GABRB3: variants seen among roughly 807,000 people sequenced by gnomAD.
GABRB3 encodes gamma-aminobutyric acid type A receptor subunit beta3.
In GABRB3, 14 loss-of-function variants were observed where a neutral mutation model predicts 52.1. The observed-to-expected ratio is 0.27, with a 90% CI of 0.18 to 0.42. The LOEUF (loss-of-function observed/expected upper bound fraction) is 0.42. Among genes scored for constraint, GABRB3 ranks in the 10% least tolerant of loss-of-function variants. GABRB3 has a pLI of 1.00. For missense variants in GABRB3, 307 were observed against 609.1 expected (o/e 0.50, Z 5.22); for synonymous variants, 260 against 232.3 (o/e 1.12, Z -1.08).
rs138242685 is a variant in GABRB3 at position 26,595,355 on chromosome 15, C to A, written c.462-11941G>T. ...CTGCTCCCTCTGGTAGGAGAGGGAG[C>A]ACTGGGAACTAGGCTGCTGCCTGCT... On this transcript the variant is annotated intron_variant, in intron 4 of 8. Coordinates refer to ENST00000311550, the MANE Select transcript of GABRB3 (RefSeq NM_000814.6). 1.9e-3 allele frequency among the ~76,000 whole-genome samples: 296 copies of A among 152,256 alleles called. 6 individuals carry two copies. The East Asian group carries it at 0.036, about 19-fold the overall frequency.
chr15:26,749,499 T>C (rs1003877625), intron 3 of GABRB3, among the ~76,000 whole-genome samples: 3 of 152,202 alleles, frequency 2.0e-5, no homozygotes, highest in African/African-American at 7.2e-5. Flanking sequence ...TCTGCTTTTG[T>C]TGTGTAAAAT....
intron 3 of GABRB3, among the ~76,000 whole-genome samples, chr15:26,717,707 G>C (rs1048138650): frequency 6.6e-6 from 1 of 152,176 alleles, no homozygotes; most frequent in African/African-American, 2.4e-5. Context: ...TAGGGGTACT[G>C]ATTTTGTTTT....
intron 4 of GABRB3, among the ~76,000 whole-genome samples, chr15:26,586,283 C>A (rs1890980436): frequency 6.6e-6 from 1 of 152,026 alleles, no homozygotes; most frequent in African/African-American, 2.4e-5. Flanking sequence ...AGGCGTGAGC[C>A]ACCGCGCCTG....
chr15:26,610,435 T>G (rs1892024800), intron 4 of GABRB3, among the ~76,000 whole-genome samples: 1 of 152,152 alleles, frequency 6.6e-6, no homozygotes, highest in South Asian at 2.1e-4. Context: ...ATCATAAATG[T>G]GTTGGTTGTT....
intron 3 of GABRB3, among the ~76,000 whole-genome samples, chr15:26,762,967 A>T (rs566491926): frequency 2.6e-5 from 4 of 152,256 alleles, no homozygotes; most frequent in Non-Finnish European, 5.9e-5. Context: ...CATACCAATG[A>T]GTTAACTGCA....
At chr15:26,626,990 C>T (rs543820962) in intron 3 of GABRB3, among the ~76,000 whole-genome samples, 8 of 152,240 alleles carry the variant, frequency 5.3e-5, no homozygotes, top group Non-Finnish European at 8.8e-5. Context: ...TGTCTGGCTT[C>T]GGAGCTTCAA....
chr15:26,752,796 G>A (rs34421638), intron 3 of GABRB3, among the ~76,000 whole-genome samples: 9,167 of 152,046 alleles, frequency 0.06, 365 homozygotes, highest in Middle Eastern at 0.11. Flanking sequence ...CAGTTGGCAC[G>A]CTGTACAGTA....
At chr15:26,622,909 A>G (rs1466222866) in intron 3 of GABRB3, among the ~76,000 whole-genome samples, 4 of 152,218 alleles carry the variant, frequency 2.6e-5, no homozygotes, top group African/African-American at 9.6e-5. Flanking sequence ...GAAAGGCAAG[A>G]AAGTCCAAAT....
Position 26,753,844 on chromosome 15 carries a change from C to G in GABRB3, c.240+18558G>C, listed in dbSNP as rs912412847. On this transcript the variant is annotated intron_variant, in intron 3 of 8. Transcript: ENST00000311550. The stretch of plus-strand genomic sequence containing the variant: ...GAAATACACTGGTCTGGGGCGAGGG[C>G]AGGCTACAGGTAAACCAATGCTGTT... Among the ~76,000 whole-genome samples, 45 of 152,126 alleles carry G rather than the reference C, an allele frequency of 3.0e-4. 1 individual carries two copies. Among genetic ancestry groups the G allele is most frequent in the Non-Finnish European group, 2.9e-5 (2 of 68,030 alleles).
At chr15:26,740,727 T>C (rs1890182249) in intron 3 of GABRB3, among the ~76,000 whole-genome samples, 1 of 152,160 alleles carries the variant, frequency 6.6e-6, no homozygotes, top group Non-Finnish European at 1.5e-5. Flanking sequence ...TATCAGGCAA[T>C]AGGAGCCACA....
intron 4 of GABRB3, among the ~76,000 whole-genome samples, chr15:26,597,131 T>G (rs1279896198): frequency 1.3e-5 from 2 of 152,124 alleles, no homozygotes; most frequent in Non-Finnish European, 2.9e-5. Flanking sequence ...AATCACCTCT[T>G]AAAGGCCCCA....
chr15:26,745,732 C>T (rs968277202), intron 3 of GABRB3, among the ~76,000 whole-genome samples: 3 of 152,142 alleles, frequency 2.0e-5, no homozygotes, highest in Admixed American at 6.5e-5. Context: ...ATAGTGTAAC[C>T]TTTACGCTTA....
chr15:26,631,906 GA>G (rs1892922070), intron 3 of GABRB3, among the ~76,000 whole-genome samples: 1 of 152,144 alleles, frequency 6.6e-6, no homozygotes, highest in Non-Finnish European at 1.5e-5. Context: ...CATAGGCCAA[GA>G]ACCATACTTA....
intron 3 of GABRB3, among the ~76,000 whole-genome samples, chr15:26,761,080 G>A (rs1483277666): frequency 6.6e-6 from 1 of 152,082 alleles, no homozygotes; most frequent in Non-Finnish European, 1.5e-5. Context: ...TTCCTGAACA[G>A]GTATACACTC....
At chr15:26,554,533 G>A (rs919761434) in intron 8 of GABRB3, among the ~76,000 whole-genome samples, 28 of 151,894 alleles carry the variant, frequency 1.8e-4, no homozygotes, top group African/African-American at 5.6e-4. Flanking sequence ...AGTTTTACCC[G>A]GCTTTATAAA....
chr15:26,660,261 T>A (rs1887499235), intron 3 of GABRB3, among the ~76,000 whole-genome samples: 1 of 150,654 alleles, frequency 6.6e-6, no homozygotes, highest in Non-Finnish European at 1.5e-5. Flanking sequence ...AAAATATACG[T>A]GTAAATGTGG....
chr15:26,622,296 G>C (rs1892512541), intron 3 of GABRB3, among the ~76,000 whole-genome samples: 1 of 152,190 alleles, frequency 6.6e-6, no homozygotes, highest in South Asian at 2.1e-4. Context: ...TGCCAAAGCA[G>C]TTAGTTTATC....
intron 3 of GABRB3, among the ~76,000 whole-genome samples, chr15:26,684,911 G>T: frequency 6.6e-6 from 1 of 152,232 alleles, no homozygotes; most frequent in Non-Finnish European, 1.5e-5. Flanking sequence ...TTACCAAAAT[G>T]TAACTTGAGG....
chr15:26,556,023 G>A (rs1262435112), intron 8 of GABRB3, among the ~76,000 whole-genome samples: 2 of 152,080 alleles, frequency 1.3e-5, no homozygotes, highest in Admixed American at 6.5e-5. Flanking sequence ...TAGAGTTTAC[G>A]TCTTAAAGTA....
Sources: allele counts gnomAD v4.1 joint callset (sites outside exome capture counted in the v4.1 genomes callset), GRCh38; gene constraint gnomAD v4.1.1; transcripts MANE v1.5; gene names NCBI Gene and HGNC (gene_info 2026-07-23, HGNC 2026-07-21).